Variants in TERB1 observed in about 807,000 individuals in gnomAD.
The protein encoded by TERB1 is telomere repeat binding bouquet formation protein 1.
Under a neutral mutation model 92.3 loss-of-function variants are expected in TERB1, and 63 were observed. The observed-to-expected ratio is 0.68, with a 90% CI of 0.56 to 0.84. The LOEUF is 0.84. Ranked by LOEUF, TERB1 falls within the 40% of genes least tolerant of loss-of-function variation. The probability of loss-of-function intolerance (pLI) is 0.00; values close to 1 mark genes in which losing one functional copy is unlikely to be tolerated. For missense variants in TERB1, 709 were observed against 843.7 expected, an observed-to-expected ratio of 0.84 and a Z score of 1.98; for synonymous variants, 252 against 283.9, an observed-to-expected ratio of 0.89 and a Z score of 1.13.
intron 9 of TERB1, among the ~76,000 whole-genome samples, chr16:66,780,737 G>T (rs1160427541): frequency 6.6e-6 from 1 of 152,138 alleles, no homozygotes; most frequent in African/African-American, 2.4e-5. Context: ...CTGATCTGTA[G>T]TTTACTGAGG....
intron 18 of TERB1, among the ~76,000 whole-genome samples, chr16:66,757,130 C>T (rs377518817): frequency 5.6e-4 from 85 of 152,160 alleles, no homozygotes; most frequent in African/African-American, 1.9e-3. Flanking sequence ...TATTCCTGGC[C>T]GGCTTGTGAA....
intron 3 of TERB1, 102 bp downstream of exon 3, chr16:66,796,666 T>C (rs377598669): frequency 1.5e-5 from 13 of 860,882 alleles, no homozygotes; most frequent in African/African-American, 1.2e-4. Flanking sequence ...GTTATGTAAA[T>C]GGCTGAATGA....
chr16:66,790,548 T>C, intron 5 of TERB1, 47 bp downstream of exon 5: 1 of 1,402,782 alleles, frequency 7.1e-7, no homozygotes, highest in Non-Finnish European at 9.6e-7. Context: ...ACTGTTAAAA[T>C]ATAACACAAT....
In TERB1 at chr16:66,770,089, G is replaced by C; in HGVS notation, c.1493C>G (p.Ala498Gly). Residue 498 changes from alanine (A) to glycine (G), a missense_variant, in exon 14 of 19, where the codon GCA (alanine) becomes GGA (glycine). By Grantham distance (60) the Ala-to-Gly change is moderately conservative (BLOSUM62 0). Transcript: ENST00000433154. ...DDQMKTPLKSANPVHACYRES... is the reference protein window; with the variant it reads ...DDQMKTPLKSGNPVHACYRES... ...CCTGTAACAAGCATGGACTGGATTT[G>C]CGCTCTTTAACGGTGTCTTCATTTG... 1.9e-6 allele frequency: 3 copies of C among 1,551,964 alleles called. No individual in the cohort carries two copies. Among genetic ancestry groups the C allele is most frequent in the Non-Finnish European group, 2.6e-6 (3 of 1,147,052 alleles).
intron 10 of TERB1, among the ~76,000 whole-genome samples, chr16:66,777,860 T>G (rs573325413): frequency 6.6e-6 from 1 of 152,332 alleles, no homozygotes; most frequent in South Asian, 2.1e-4. Flanking sequence ...GACCACCATT[T>G]TAAGCTATAC....
At chr16:66,758,221 A>G (rs890490979) in intron 18 of TERB1, 1 of 153,394 alleles carries the variant, frequency 6.5e-6, no homozygotes, top group African/African-American at 2.4e-5. Flanking sequence ...AACACCTAAC[A>G]CCTAGCAGGT....
At chr16:66,761,848 A>G (rs960736482) in intron 16 of TERB1, among the ~76,000 whole-genome samples, 1 of 152,072 alleles carries the variant, frequency 6.6e-6, no homozygotes, top group African/African-American at 2.4e-5. Context: ...AGGTCAGGAG[A>G]TGGAGACCAC....
chr16:66,780,382 A>T (rs547268529), intron 9 of TERB1, among the ~76,000 whole-genome samples: 1 of 147,962 alleles, frequency 6.8e-6, no homozygotes, highest in Non-Finnish European at 1.5e-5. Context: ...CAACATAGTG[A>T]GACCCCATCT....
intron 16 of TERB1, among the ~76,000 whole-genome samples, chr16:66,765,978 TCTC>T: frequency 7.0e-6 from 1 of 142,362 alleles, no homozygotes; most frequent in South Asian, 2.3e-4. Flanking sequence ...TTCACGCCAT[TCTC>T]CTGCCTCAGC....
intron 14 of TERB1, 89 bp downstream of exon 14, chr16:66,769,874 A>G: frequency 1.1e-6 from 1 of 892,758 alleles, no homozygotes; most frequent in Non-Finnish European, 1.7e-6. Flanking sequence ...TCACTTCTAC[A>G]TGCCCAATAT....
chr16:66,760,606 T>A (rs9708609), intron 16 of TERB1, among the ~76,000 whole-genome samples: 34 of 120,952 alleles, frequency 2.8e-4, no homozygotes, highest in South Asian at 2.7e-3. Context: ...GCCAATATGG[T>A]GAAACCCCAT....
intron 9 of TERB1, among the ~76,000 whole-genome samples, chr16:66,783,553 T>C (rs185538682): frequency 3.3e-5 from 5 of 152,336 alleles, no homozygotes; most frequent in Non-Finnish European, 5.9e-5. Context: ...TGGGTTCTGA[T>C]ATCGGTGTAA....
intron 11 of TERB1, 76 bp from the exon 12 acceptor site, chr16:66,775,319 T>C (rs963528710): frequency 7.4e-7 from 1 of 1,348,064 alleles, no homozygotes; most frequent in Admixed American, 2.3e-5. Context: ...TTCCTTGTGA[T>C]AATTATGAAC....
Position 66,775,204 on chromosome 16 carries a change from G to A in TERB1, c.1025C>T (p.Pro342Leu), listed in dbSNP as rs1195778357. ...TTCAGTTAAGGCTTGAATCATGAGT[G>A]GAAGCCCATTGTTTTTAAAAAGGTC... ...QYDLFKNNGLPLMIQALTESQ... is the reference protein window; with the variant it reads ...QYDLFKNNGLLLMIQALTESQ... The change falls in exon 12 of 19, where the codon CCA (proline) becomes CTA (leucine). Residue 342 changes from proline (P) to leucine (L), a missense_variant. Pro to Leu is a moderately conservative substitution (Grantham distance 98). Transcript: ENST00000433154. 1 of 1,551,018 alleles carries A rather than the reference G, an allele frequency of 6.4e-7. No individual in the cohort carries two copies. The highest frequency in any genetic ancestry group is 2.0e-5 in the Admixed American group (1 of 50,996).
At position 66,770,161 on chromosome 16, in the gene TERB1, C is replaced by T. The variant is rs939851193; in HGVS notation, c.1421G>A (p.Ser474Asn). 4 of 1,552,318 alleles carry T rather than the reference C, an allele frequency of 2.6e-6. No homozygotes were observed. The highest frequency in any genetic ancestry group is 3.5e-6 in the Non-Finnish European group (4 of 1,147,130). Residue 474 changes from serine (S) to asparagine (N), a missense_variant, in exon 14 of 19, where the codon AGT becomes AAT. By Grantham distance (46) the Ser-to-Asn change is conservative. Coordinates refer to ENST00000433154, the MANE Select transcript of TERB1 (RefSeq NM_001136505.2). Reference sequence around the variant, plus strand: ...AGACATGACTCCATGGGACTTATAACTCTGTAACTGTCTAGAATGGCTTTT... The same window carrying T: ...AGACATGACTCCATGGGACTTATAATTCTGTAACTGTCTAGAATGGCTTTT... ...EDKSHSRQLQ[S>N]YKSHGVMSKA... is the part of the protein sequence containing the mutation.
At chr16:66,797,943 A>G (rs1959207076) in intron 2 of TERB1, among the ~76,000 whole-genome samples, 1 of 152,126 alleles carries the variant, frequency 6.6e-6, no homozygotes, top group African/African-American at 2.4e-5. Flanking sequence ...AATGCCTCAG[A>G]GTCCAGTTAA....
At chr16:66,760,143 AAAAAAG>A (rs1165265269) in intron 16 of TERB1, among the ~76,000 whole-genome samples, 12 of 119,488 alleles carry the variant, frequency 1.0e-4, no homozygotes, top group African/African-American at 2.5e-4. Context: ...AAAAAAAAAA[AAAAAAG>A]AAAAGAAAAG....
At chr16:66,775,068 C>G in intron 12 of TERB1, 50 bp downstream of exon 12, 1 of 1,528,854 alleles carries the variant, frequency 6.5e-7, no homozygotes, top group Non-Finnish European at 8.8e-7. Context: ...GAAATAAATT[C>G]TCCTTTATAA....
At chr16:66,794,648 C>G (rs200764493) in intron 3 of TERB1, among the ~76,000 whole-genome samples, 1 of 152,224 alleles carries the variant, frequency 6.6e-6, no homozygotes, top group South Asian at 2.1e-4. Context: ...CAGTGGCTCA[C>G]GCCTGTAATC....
Sources: gnomAD v4.1 joint callset for allele counts (sites outside exome capture counted in the v4.1 genomes callset) on GRCh38, gnomAD v4.1.1 for gene constraint, MANE v1.5 for transcripts, NCBI Gene and HGNC (gene_info 2026-07-23, HGNC 2026-07-21) for gene names.